The following SETBP1 variants were observed in gnomAD, a reference collection of about 807,000 sequenced individuals.
SETBP1 encodes SET-binding protein.
A neutral mutation model predicts 101.0 loss-of-function variants in SETBP1; 9 were observed. The observed-to-expected ratio is 0.09, with a 90% CI of 0.05 to 0.16. The LOEUF (loss-of-function observed/expected upper bound fraction) is 0.16, where lower values mean the gene tolerates loss of function less well. Ranked by LOEUF, SETBP1 falls within the 10% of genes least tolerant of loss-of-function variation. The pLI is 1.00. For synonymous variants in SETBP1, 818 were observed against 788.5 expected (o/e 1.04, Z -0.63); for missense variants, 1,858 against 2,033.8 (o/e 0.91, Z 1.66).
chr18:44,835,548 T>G (rs1320945173), intron 2 of SETBP1, among the ~76,000 whole-genome samples: 1 of 152,220 alleles, frequency 6.6e-6, no homozygotes, highest in Non-Finnish European at 1.5e-5. Flanking sequence ...AAAGAATTTT[T>G]AAGTATTTTA....
intron 3 of SETBP1, among the ~76,000 whole-genome samples, chr18:44,911,777 T>C (rs998440713): frequency 6.6e-6 from 1 of 152,140 alleles, no homozygotes; most frequent in Non-Finnish European, 1.5e-5. Flanking sequence ...TGTTCCCTAA[T>C]AGACATTCAA....
intron 4 of SETBP1, among the ~76,000 whole-genome samples, chr18:45,014,587 A>C (rs1335622577): frequency 1.3e-5 from 2 of 152,178 alleles, no homozygotes; most frequent in African/African-American, 4.8e-5. Context: ...CACACTCAGG[A>C]AACAAAAACA....
At chr18:44,956,399 G>A (rs928123715) in intron 4 of SETBP1, among the ~76,000 whole-genome samples, 13 of 152,040 alleles carry the variant, frequency 8.6e-5, no homozygotes, top group African/African-American at 3.1e-4. Flanking sequence ...AGGCAGATGA[G>A]ATGAAGCTGA....
In SETBP1 at chr18:44,869,672, C is replaced by T. The variant is rs73489125; in HGVS notation, c.540+389C>T. 1,810 of 307,986 alleles carry T rather than the reference C, an allele frequency of 5.9e-3. 16 individuals are homozygous for T. The highest frequency in any genetic ancestry group is 0.034 in the Middle Eastern group (28 of 830). 19.1% of individuals were successfully genotyped at this position (307,986 alleles called of 1,614,324 possible). ...GACACTCGCATGTCTGTAATCTTTG[C>T]GGCAAATGCCTCCTAGTCAAGGCCT... is the stretch of plus-strand genomic sequence containing the variant. On this transcript the variant is annotated intron_variant, in intron 3 of 5. Coordinates refer to ENST00000649279, the MANE Select transcript of SETBP1 (RefSeq NM_015559.3).
intron 3 of SETBP1, among the ~76,000 whole-genome samples, chr18:44,911,682 C>T (rs1261666222): frequency 2.0e-5 from 3 of 152,324 alleles, no homozygotes; most frequent in Non-Finnish European, 1.5e-5. Flanking sequence ...CCCTGCCAAA[C>T]CTCACCCAGG....
intron 2 of SETBP1, among the ~76,000 whole-genome samples, chr18:44,850,762 T>C (rs1822455063): frequency 6.6e-6 from 1 of 152,220 alleles, no homozygotes; most frequent in Non-Finnish European, 1.5e-5. Flanking sequence ...TTTCCTGGCT[T>C]CTTGGTTCCC....
At chr18:44,687,215 A>G (rs2068853840) in intron 1 of SETBP1, among the ~76,000 whole-genome samples, 1 of 152,222 alleles carries the variant, frequency 6.6e-6, no homozygotes, top group African/African-American at 2.4e-5. Context: ...GACAAGCTAC[A>G]TTGCCTTTCT....
intron 2 of SETBP1, among the ~76,000 whole-genome samples, chr18:44,814,578 T>C (rs984026497): frequency 6.6e-6 from 1 of 152,178 alleles, no homozygotes; most frequent in Non-Finnish European, 1.5e-5. Context: ...CTAAATAAAA[T>C]TCCTTCTCTA....
chr18:44,987,172 C>T (rs1599414119), intron 4 of SETBP1: 1 of 152,102 alleles, frequency 6.6e-6, no homozygotes, highest in East Asian at 1.9e-4. Context: ...TTTTCAGTTT[C>T]ACTACAATTT....
intron 2 of SETBP1, among the ~76,000 whole-genome samples, chr18:44,771,564 A>G (rs188583848): frequency 6.6e-6 from 1 of 152,126 alleles, no homozygotes; most frequent in East Asian, 1.9e-4. Context: ...GTAAGTCCCT[A>G]AGACAGAGTT....
At position 44,951,335 on chromosome 18, in the gene SETBP1, T is replaced by C. The variant is rs370910099; in HGVS notation, c.1995T>C (p.Thr665=). The C allele has an allele frequency of 3.1e-6, 5 of 1,613,806 alleles. No individual in the cohort carries two copies. In the South Asian group the frequency reaches 5.5e-5, roughly 18 times the overall value. Residue 665 remains threonine, a synonymous_variant, in exon 4 of 6, where the codon ACT becomes ACC. Transcript: ENST00000649279. This position sits in a 1 kb window ranked among gnomAD's most constrained non-coding sequence, Gnocchi z 7.8. The part of the protein sequence containing the change: ...LGVLDKKTIK[T]INKMKTLKRK... ...TGTTGGATAAGAAGACCATCAAAAC[T>C]ATCAATAAGATGAAGACACTCAAGA...
At chr18:44,846,715 T>G (rs1374382882) in intron 2 of SETBP1, among the ~76,000 whole-genome samples, 1 of 152,260 alleles carries the variant, frequency 6.6e-6, no homozygotes, top group Non-Finnish European at 1.5e-5. Context: ...GTCCACATTC[T>G]AGAGTAATCT....
chr18:44,968,678 T>G (rs527621699), intron 4 of SETBP1, among the ~76,000 whole-genome samples: 1 of 152,230 alleles, frequency 6.6e-6, no homozygotes, highest in African/African-American at 2.4e-5. Context: ...CTTTCAATTT[T>G]GTTGTATGTC....
chr18:44,915,155 T>C (rs1034978157), intron 3 of SETBP1, among the ~76,000 whole-genome samples: 3 of 152,194 alleles, frequency 2.0e-5, no homozygotes, highest in Non-Finnish European at 4.4e-5. Context: ...TAATAGGGCA[T>C]CCTTGGGAGA....
rs1405267816 is a variant in SETBP1 at position 45,068,458 on chromosome 18, C to A, written c.*4760C>A. 8 of 152,008 alleles carry A rather than the reference C, an allele frequency of 5.3e-5. No homozygotes were observed. The highest frequency in any genetic ancestry group is 9.7e-5 in the African/African-American group (4 of 41,390). 9.4% of individuals were successfully genotyped at this position (152,008 alleles called of 1,614,324 possible). On this transcript the variant is annotated 3_prime_UTR_variant, in exon 6 of 6. Coordinates refer to ENST00000649279, the MANE Select transcript of SETBP1 (RefSeq NM_015559.3). ...TAACTATTAAAAAAAAAAAGTTAAT[C>A]CTATTCATATGTTATTCATTGTGTG...
chr18:45,020,209 G>A lies in SETBP1; in HGVS notation c.4001-18276G>A, dbSNP rs377416325. On this transcript the variant is annotated intron_variant, in intron 4 of 5. Transcript: ENST00000649279. ...TGGGAGGTGGAGGTTGCAGTGAGCC[G>A]AGATCACACCACTACACTCTAGCCT... is the stretch of plus-strand genomic sequence containing the variant. 1.7e-4 allele frequency among the ~76,000 whole-genome samples: 22 copies of A among 131,056 alleles called. 1 individual carries two copies. The East Asian group carries it at 4.7e-3, about 28-fold the overall frequency. 86.0% of individuals were successfully genotyped at this position (131,056 alleles called of 152,430 possible).
At chr18:44,836,917 TC>T (rs2072508637) in intron 2 of SETBP1, among the ~76,000 whole-genome samples, 1 of 152,202 alleles carries the variant, frequency 6.6e-6, no homozygotes, top group Non-Finnish European at 1.5e-5. Context: ...GTCACTTACA[TC>T]CCTATTTTTT....
intron 4 of SETBP1, among the ~76,000 whole-genome samples, chr18:44,970,984 C>T (rs1235883221): frequency 6.6e-6 from 1 of 152,012 alleles, no homozygotes; most frequent in Admixed American, 6.6e-5. Flanking sequence ...CTTCATTTAA[C>T]ATTAGGTATA....
At chr18:44,812,289 A>T (rs997285640) in intron 2 of SETBP1, among the ~76,000 whole-genome samples, 12 of 152,252 alleles carry the variant, frequency 7.9e-5, no homozygotes, top group African/African-American at 2.6e-4. Flanking sequence ...CATTCCTAAA[A>T]TACTTGAATA....
Sources: gnomAD v4.1 joint callset for allele counts (sites outside exome capture counted in the v4.1 genomes callset) on GRCh38, gnomAD v4.1.1 for gene constraint, Gnocchi (gnomAD v3.1) non-coding constraint, MANE v1.5 for transcripts, NCBI Gene and HGNC (gene_info 2026-07-23, HGNC 2026-07-21) for gene names.